GRID1: variants seen among roughly 807,000 people sequenced by gnomAD.
GRID1 encodes glutamate receptor ionotropic, delta-1.
Under a neutral mutation model 98.0 loss-of-function variants are expected in GRID1, and 28 were observed. The ratio of observed to expected loss-of-function variants is 0.29; its 90% CI spans 0.21 to 0.39. The LOEUF is 0.39. GRID1 is among the 10% of genes least tolerant of loss of function. The pLI is 1.00. For synonymous variants in GRID1, 553 were observed against 538.5 expected (o/e 1.03, Z -0.37); for missense variants, 1,111 against 1,340.5 (o/e 0.83, Z 2.67).
At chr10:86,012,108 A>G (rs546707645) in intron 4 of GRID1, among the ~76,000 whole-genome samples, 2 of 152,242 alleles carry the variant, frequency 1.3e-5, no homozygotes, top group South Asian at 2.1e-4. Flanking sequence ...GGCAACAGAG[A>G]GGGACTCTGC....
chr10:86,030,717 T>A (rs532116186), intron 4 of GRID1, among the ~76,000 whole-genome samples: 1 of 152,340 alleles, frequency 6.6e-6, no homozygotes, highest in Admixed American at 6.5e-5. Flanking sequence ...AGAAATCATT[T>A]AGGCAGATAG....
Position 86,195,712 on chromosome 10 carries a change from G to C in GRID1, c.520+10652C>G, listed in dbSNP as rs946929402. On this transcript the variant is annotated intron_variant, in intron 3 of 15. Coordinates refer to ENST00000327946, the MANE Select transcript of GRID1 (RefSeq NM_017551.3). The surrounding 1 kb of genome is among the most constrained non-coding windows in gnomAD (Gnocchi z 4.4). ...AGGAACTGGGTACGTGAAGGGCTGA[G>C]AGGAGACATAATGTTACCCACATGG... Among the ~76,000 whole-genome samples the C allele has an allele frequency of 6.6e-6, 1 of 152,248 alleles. No homozygotes were observed. Among genetic ancestry groups the C allele is most frequent in the Admixed American group, 6.5e-5 (1 of 15,298 alleles).
chr10:85,849,020 C>T (rs896230253), intron 8 of GRID1, among the ~76,000 whole-genome samples: 1 of 152,132 alleles, frequency 6.6e-6, no homozygotes, highest in Non-Finnish European at 1.5e-5. Context: ...TCCTCCCAGC[C>T]CCACCTCCAC....
intron 4 of GRID1, among the ~76,000 whole-genome samples, chr10:85,961,216 C>T (rs528855740): frequency 1.3e-4 from 20 of 152,298 alleles, no homozygotes; most frequent in African/African-American, 4.8e-4. Context: ...CTAAATTGCT[C>T]CCCAAACACA....
Position 85,877,115 on chromosome 10 carries a change from T to C in GRID1, c.781-7935A>G, listed in dbSNP as rs558276828. 2.4e-3 allele frequency among the ~76,000 whole-genome samples: 363 copies of C among 152,352 alleles called. 4 individuals are homozygous for C. Among genetic ancestry groups the C allele is most frequent in the Middle Eastern group, 0.01 (3 of 294 alleles). On this transcript the variant is annotated intron_variant, in intron 5 of 15. Coordinates refer to ENST00000327946, the MANE Select transcript of GRID1 (RefSeq NM_017551.3). ...AACAAAGCAGCAGGGAAGCTCCAAC[T>C]GGGTGGAGCCCACCACAGCTCAGGG...
At chr10:85,860,361 AAG>A (rs2131785266) in intron 6 of GRID1, among the ~76,000 whole-genome samples, 1 of 152,350 alleles carries the variant, frequency 6.6e-6, no homozygotes, top group East Asian at 1.9e-4. Flanking sequence ...TGAGAAGCAA[AAG>A]AGAGGTCAGA....
rs551503661 is a variant in GRID1, at chr10:85,766,984, C to G, written c.1234-37370G>C. ...GTAACTAGAGGGGAAGAGCCTTCCT[C>G]TGTATATGCCAAGAATATATCCATG... On this transcript the variant is annotated intron_variant, in intron 8 of 15. Coordinates refer to ENST00000327946, the MANE Select transcript of GRID1 (RefSeq NM_017551.3). Among the ~76,000 whole-genome samples, 7 of 152,246 alleles carry G rather than the reference C, an allele frequency of 4.6e-5. No individual in the cohort carries two copies. In the East Asian group the frequency reaches 1.3e-3, roughly 29 times the overall value.
chr10:86,153,069 C>A (rs375755264), intron 3 of GRID1, among the ~76,000 whole-genome samples: 10 of 152,198 alleles, frequency 6.6e-5, no homozygotes, highest in Non-Finnish European at 1.3e-4. Flanking sequence ...GGCCTCCTGA[C>A]GCCACTTCTG....
intron 3 of GRID1, among the ~76,000 whole-genome samples, chr10:86,168,003 T>G (rs923415945): frequency 3.9e-5 from 6 of 152,208 alleles, no homozygotes; most frequent in Non-Finnish European, 1.5e-5. Flanking sequence ...ACACTGTGTG[T>G]GGTGAAAACC....
intron 5 of GRID1, among the ~76,000 whole-genome samples, chr10:85,871,681 A>G (rs1843279824): frequency 6.6e-6 from 1 of 152,264 alleles, no homozygotes; most frequent in Non-Finnish European, 1.5e-5. Context: ...CATTTAAACA[A>G]GAACATAACA....
At chr10:86,102,829 C>T (rs1009933506) in intron 4 of GRID1, among the ~76,000 whole-genome samples, 2 of 152,188 alleles carry the variant, frequency 1.3e-5, no homozygotes, top group Non-Finnish European at 2.9e-5. Flanking sequence ...TTGTAGTGCC[C>T]ATATTCCCCA....
chr10:85,691,349 T>G (rs181850439), intron 12 of GRID1, among the ~76,000 whole-genome samples: 36 of 152,326 alleles, frequency 2.4e-4, no homozygotes, highest in African/African-American at 8.7e-4. Flanking sequence ...TTGGCCCTAT[T>G]TACACACACT....
intron 2 of GRID1, among the ~76,000 whole-genome samples, chr10:86,348,082 C>T (rs1848412697): frequency 6.6e-6 from 1 of 152,180 alleles, no homozygotes; most frequent in Non-Finnish European, 1.5e-5. Flanking sequence ...AGTCCAACAG[C>T]CGGTGTGCAC....
chr10:86,324,220 C>T (rs1404804804), intron 2 of GRID1, among the ~76,000 whole-genome samples: 2 of 151,994 alleles, frequency 1.3e-5, no homozygotes, highest in Admixed American at 6.6e-5. Context: ...AAATTTGGAA[C>T]TAAAATCCCA....
chr10:85,665,228 C>A (rs1266280405), intron 12 of GRID1, among the ~76,000 whole-genome samples: 1 of 152,112 alleles, frequency 6.6e-6, no homozygotes. Flanking sequence ...CAGGGTCACA[C>A]CTGGGCAGTG....
intron 3 of GRID1, among the ~76,000 whole-genome samples, chr10:86,185,009 C>G (rs551409766): frequency 4.2e-4 from 64 of 152,114 alleles, no homozygotes; most frequent in African/African-American, 1.4e-3. Context: ...CAATTTCTAC[C>G]AAAAAGAAGA....
At chr10:86,264,724 C>G (rs1349818713) in intron 2 of GRID1, 1 of 487,762 alleles carries the variant, frequency 2.1e-6, no homozygotes, top group Non-Finnish European at 4.3e-6. Flanking sequence ...CAGGCCCAGC[C>G]CCTGCCTCCT....
At chr10:85,709,491 A>T (rs537529491) in intron 12 of GRID1, among the ~76,000 whole-genome samples, 61 of 152,350 alleles carry the variant, frequency 4.0e-4, no homozygotes, top group Middle Eastern at 3.4e-3. Flanking sequence ...TTAAAGCAAA[A>T]TAAAGTAAAA....
intron 12 of GRID1, among the ~76,000 whole-genome samples, chr10:85,664,641 C>T (rs895098335): frequency 6.6e-6 from 1 of 152,096 alleles, no homozygotes; most frequent in Non-Finnish European, 1.5e-5. Flanking sequence ...GGCATGGGTA[C>T]CTTGGAAGTG....
Sources: gnomAD v4.1 joint callset for allele counts (sites outside exome capture counted in the v4.1 genomes callset) on GRCh38, gnomAD v4.1.1 for gene constraint, Gnocchi (gnomAD v3.1) non-coding constraint, MANE v1.5 for transcripts, NCBI Gene and HGNC (gene_info 2026-07-23, HGNC 2026-07-21) for gene names.